Variants in PLS1 observed in about 807,000 individuals in gnomAD.
The protein encoded by PLS1 is plastin-1.
PLS1 carries 32 observed loss-of-function variants against 73.7 expected under a neutral mutation model. The ratio of observed to expected loss-of-function variants is 0.43; its 90% CI spans 0.33 to 0.58. The LOEUF is 0.58. PLS1 is among the 20% of genes least tolerant of loss of function. The pLI, the probability that PLS1 is intolerant of heterozygous loss-of-function variation, is 0.04. For synonymous variants in PLS1, 217 were observed against 261.3 expected, an observed-to-expected ratio of 0.83 and a Z score of 1.63; for missense variants, 633 against 740.5, an observed-to-expected ratio of 0.85 and a Z score of 1.68.
chr3:142,600,694 C>CTGTT (rs2035897003), intron 1 of PLS1, among the ~76,000 whole-genome samples: 1 of 151,392 alleles, frequency 6.6e-6, no homozygotes, highest in South Asian at 2.1e-4. Flanking sequence ...GATGAGGGAG[C>CTGTT]TGTTGGATGC....
intron 1 of PLS1, among the ~76,000 whole-genome samples, chr3:142,613,375 G>A (rs2036157658): frequency 6.6e-6 from 1 of 152,036 alleles, no homozygotes; most frequent in African/African-American, 2.4e-5. Context: ...AGCTACTCAG[G>A]AGGCTGAGGC....
intron 2 of PLS1, 47 bp downstream of exon 2, chr3:142,664,354 T>G (rs778769706): frequency 6.3e-6 from 6 of 953,092 alleles, no homozygotes; most frequent in Non-Finnish European, 1.0e-5. Flanking sequence ...CTGCTTGATG[T>G]CAGACTTCAG....
At chr3:142,613,897 A>C (rs951794185) in intron 1 of PLS1, among the ~76,000 whole-genome samples, 4 of 152,192 alleles carry the variant, frequency 2.6e-5, no homozygotes, top group Non-Finnish European at 1.5e-5. Flanking sequence ...TCTTTCCAAA[A>C]ACAACATACT....
At chr3:142,641,135 T>C (rs2036824225) in intron 1 of PLS1, among the ~76,000 whole-genome samples, 1 of 147,832 alleles carries the variant, frequency 6.8e-6, no homozygotes, top group Admixed American at 6.8e-5. Context: ...TACTCCAGCC[T>C]GGGTGACAGA....
At chr3:142,698,188 A>C (rs930086315) in intron 12 of PLS1, 121 bp downstream of exon 12, 3 of 607,448 alleles carry the variant, frequency 4.9e-6, no homozygotes, top group Non-Finnish European at 8.8e-6. Context: ...AAAATGTGTT[A>C]AGCTTAATAG....
chr3:142,660,400 C>T (rs1053980111), intron 1 of PLS1, among the ~76,000 whole-genome samples: 4 of 152,082 alleles, frequency 2.6e-5, no homozygotes, highest in African/African-American at 9.7e-5. Context: ...ATTTTGTATA[C>T]CTAATCTAGT....
intron 6 of PLS1, among the ~76,000 whole-genome samples, chr3:142,682,944 G>T (rs925544805): frequency 1.3e-5 from 2 of 152,146 alleles, no homozygotes; most frequent in Admixed American, 1.3e-4. Context: ...TCTTTCAGGA[G>T]AACTATATTT....
At chr3:142,596,577 CCTTTGGGGGCG>C (rs1366937359) in intron 1 of PLS1, 68 bp downstream of exon 1, 11 of 152,404 alleles carry the variant, frequency 7.2e-5, no homozygotes, top group Non-Finnish European at 1.3e-4. Flanking sequence ...AAGCGTTACT[CCTTTGGGGGCG>C]CGCGGCGGCT....
At chr3:142,607,291 T>C (rs1470951747) in intron 1 of PLS1, among the ~76,000 whole-genome samples, 1 of 152,118 alleles carries the variant, frequency 6.6e-6, no homozygotes, top group Non-Finnish European at 1.5e-5. Flanking sequence ...TATATATATA[T>C]ATTTTTTGAG....
At chr3:142,667,585 A>G (rs2037506664) in intron 2 of PLS1, among the ~76,000 whole-genome samples, 1 of 152,196 alleles carries the variant, frequency 6.6e-6, no homozygotes, top group Non-Finnish European at 1.5e-5. Context: ...GATGGTTTCT[A>G]TTAGTTCTTG....
chr3:142,658,185 G>C (rs2037283144), intron 1 of PLS1, among the ~76,000 whole-genome samples: 1 of 152,090 alleles, frequency 6.6e-6, no homozygotes, highest in Non-Finnish European at 1.5e-5. Context: ...TAAAAAATAT[G>C]TAACAGGCTG....
intron 1 of PLS1, among the ~76,000 whole-genome samples, chr3:142,610,039 T>C (rs2036090788): frequency 6.6e-6 from 1 of 152,184 alleles, no homozygotes; most frequent in Non-Finnish European, 1.5e-5. Flanking sequence ...CAGCTAATTT[T>C]TGTATTTTTA....
chr3:142,646,788 A>G (rs147872698), intron 1 of PLS1, among the ~76,000 whole-genome samples: 1,792 of 152,302 alleles, frequency 0.012, 20 homozygotes, highest in African/African-American at 0.031. Context: ...TCCTTTTTTG[A>G]TAAATGTTAC....
At position 142,710,638 on chromosome 3, in the gene PLS1, T is replaced by C. The variant is rs114252121; in HGVS notation, c.1630-863T>C. On this transcript the variant is annotated intron_variant, in intron 14 of 15. Transcript: ENST00000457734. ...AGCTGATGTCTGTGTGAAGGAGGTA[T>C]GGATATAGAGCAAAAATATGGGTTC... 4.6e-3 allele frequency among the ~76,000 whole-genome samples: 702 copies of C among 152,278 alleles called. 10 individuals are homozygous for C. The highest frequency in any genetic ancestry group is 0.016 in the African/African-American group (674 of 41,550).
intron 1 of PLS1, among the ~76,000 whole-genome samples, chr3:142,653,931 T>C (rs1037511614): frequency 1.3e-5 from 2 of 152,228 alleles, no homozygotes; most frequent in African/African-American, 4.8e-5. Flanking sequence ...GAGAAACTGA[T>C]TCTTACCCAT....
intron 1 of PLS1, among the ~76,000 whole-genome samples, chr3:142,653,261 G>A (rs112801258): frequency 4.6e-5 from 7 of 152,022 alleles, no homozygotes; most frequent in African/African-American, 1.4e-4. Context: ...ACGCATGCAC[G>A]TGAGTATGTG....
At chr3:142,664,043 C>T in intron 1 of PLS1, 159 bp from the exon 2 acceptor site, 1 of 363,948 alleles carries the variant, frequency 2.7e-6, no homozygotes, top group South Asian at 6.9e-5. Flanking sequence ...CTGGCCTATG[C>T]TGAGAGATTG....
chr3:142,695,463 A>G (rs970057881), intron 11 of PLS1, among the ~76,000 whole-genome samples: 15 of 152,286 alleles, frequency 9.8e-5, no homozygotes, highest in African/African-American at 2.9e-4. Context: ...AGAGTGTGTA[A>G]ATTTCAGCTG....
At position 142,664,259 on chromosome 3, in the gene PLS1, A is replaced by G. The variant is rs2037430954; in HGVS notation, c.22A>G (p.Ile8Val). MENSTTT[I>V]SREELEELQE... is the part of the protein sequence containing the mutation. Reference sequence around the variant, plus strand: ...AAAGATGGAAAACAGTACTACTACCATTTCTCGGGAGGAGCTTGAAGAACT... The same window carrying G: ...AAAGATGGAAAACAGTACTACTACCGTTTCTCGGGAGGAGCTTGAAGAACT... The change falls in exon 2 of 16, where the codon ATT (isoleucine) becomes GTT (valine). Residue 8 changes from isoleucine to valine, a missense_variant. Transcript: ENST00000457734. 1 of 1,592,214 alleles carries G rather than the reference A, an allele frequency of 6.3e-7. No homozygotes were observed. Among genetic ancestry groups the G allele is most frequent in the Non-Finnish European group, 8.6e-7 (1 of 1,163,194 alleles).
Sources: allele counts gnomAD v4.1 joint callset (sites outside exome capture counted in the v4.1 genomes callset), GRCh38; gene constraint gnomAD v4.1.1; transcripts MANE v1.5; gene names NCBI Gene and HGNC (gene_info 2026-07-23, HGNC 2026-07-21).